Variants in CHSY3 observed in about 807,000 individuals in gnomAD.
CHSY3 encodes N-acetylgalactosaminyl-proteoglycan 3-beta-glucuronosyltransferase 3.
A neutral mutation model predicts 67.2 loss-of-function variants in CHSY3; 35 were observed. That is an observed-to-expected ratio of 0.52 (90% CI 0.40 to 0.69). CHSY3 has a LOEUF of 0.69. Among genes scored for constraint, CHSY3 ranks in the 30% least tolerant of loss-of-function variants. The pLI, the probability that CHSY3 is intolerant of heterozygous loss-of-function variation, is 0.00. For synonymous variants in CHSY3, 474 were observed against 434.7 expected, an observed-to-expected ratio of 1.09 and a Z score of -1.12; for missense variants, 1,069 against 1,138.5, an observed-to-expected ratio of 0.94 and a Z score of 0.88.
intron 2 of CHSY3, among the ~76,000 whole-genome samples, chr5:130,137,634 A>G (rs1191476988): frequency 6.6e-6 from 1 of 152,200 alleles, no homozygotes; most frequent in Non-Finnish European, 1.5e-5. Context: ...TAGGTCAACT[A>G]TTTGTTTTCC....
At chr5:130,140,606 A>G in intron 2 of CHSY3, 1 of 436,846 alleles carries the variant, frequency 2.3e-6, no homozygotes, top group Non-Finnish European at 4.0e-6. Flanking sequence ...AAACATGCTG[A>G]TCTTTGACCT....
At chr5:130,089,712 A>G (rs559863191) in intron 2 of CHSY3, among the ~76,000 whole-genome samples, 1 of 152,170 alleles carries the variant, frequency 6.6e-6, no homozygotes, top group African/African-American at 2.4e-5. Context: ...TCATATGTTT[A>G]GAAAACTGGA....
At chr5:129,919,680 C>T (rs1760854310) in intron 2 of CHSY3, among the ~76,000 whole-genome samples, 1 of 152,138 alleles carries the variant, frequency 6.6e-6, no homozygotes, top group South Asian at 2.1e-4. Flanking sequence ...CCCCCGGGTC[C>T]CTTCCACAAC....
chr5:129,911,820 G>C (rs953656699), intron 2 of CHSY3, among the ~76,000 whole-genome samples: 1 of 152,188 alleles, frequency 6.6e-6, no homozygotes, highest in African/African-American at 2.4e-5. Flanking sequence ...ACTTTGGGAG[G>C]CTGACGCGGG....
intron 2 of CHSY3, among the ~76,000 whole-genome samples, chr5:130,106,946 A>G (rs953821944): frequency 2.0e-5 from 3 of 151,474 alleles, no homozygotes; most frequent in Non-Finnish European, 4.4e-5. Context: ...TACCTTTTTG[A>G]CAATTTGTTA....
intron 2 of CHSY3, among the ~76,000 whole-genome samples, chr5:129,970,632 C>A (rs757594986): frequency 2.0e-5 from 3 of 151,748 alleles, no homozygotes; most frequent in Non-Finnish European, 4.4e-5. Context: ...GGTTGTTTTT[C>A]TGAAATGCTG....
At chr5:129,955,735 A>T (rs1337920616) in intron 2 of CHSY3, among the ~76,000 whole-genome samples, 1 of 151,906 alleles carries the variant, frequency 6.6e-6, no homozygotes, top group African/African-American at 2.4e-5. Flanking sequence ...GTTCCCCTCT[A>T]TGTGTCCATG....
rs142831163 is a variant in CHSY3 at position 130,014,516 on chromosome 5, A to G, written c.1086+106156A>G. ...CAGGCCAGATGGGGAAATGCTAGAC[A>G]CTCATAACCATCAGATCTTGTGAGA... On this transcript the variant is annotated intron_variant, in intron 2 of 2. Coordinates refer to ENST00000305031, the MANE Select transcript of CHSY3 (RefSeq NM_175856.5). Among the ~76,000 whole-genome samples the G allele has an allele frequency of 2.2e-3, 328 of 152,274 alleles. 2 individuals carry two copies. Among genetic ancestry groups the G allele is most frequent in the African/African-American group, 7.3e-3 (303 of 41,562 alleles).
chr5:130,082,885 C>T (rs941052108), intron 2 of CHSY3, among the ~76,000 whole-genome samples: 5 of 151,102 alleles, frequency 3.3e-5, no homozygotes, highest in African/African-American at 9.7e-5. Context: ...TATGTATATA[C>T]ACACACACAC....
intron 2 of CHSY3, among the ~76,000 whole-genome samples, chr5:129,990,574 G>A (rs1003848894): frequency 6.6e-6 from 1 of 152,070 alleles, no homozygotes; most frequent in Non-Finnish European, 1.5e-5. Context: ...TTTATAGAAC[G>A]TAACTACACT....
chr5:129,963,055 C>T (rs891308398), intron 2 of CHSY3, among the ~76,000 whole-genome samples: 1 of 151,590 alleles, frequency 6.6e-6, no homozygotes, highest in Non-Finnish European at 1.5e-5. Context: ...GTGGTAAAGC[C>T]GGAATAATGA....
chr5:130,138,703 T>A (rs930678389), intron 2 of CHSY3, among the ~76,000 whole-genome samples: 7 of 152,176 alleles, frequency 4.6e-5, no homozygotes, highest in Admixed American at 3.9e-4. Context: ...ACATAGAGAA[T>A]AAACCCTTAA....
chr5:129,979,514 A>G (rs923173731), intron 2 of CHSY3, among the ~76,000 whole-genome samples: 1 of 152,170 alleles, frequency 6.6e-6, no homozygotes, highest in African/African-American at 2.4e-5. Flanking sequence ...TTTCCCATGT[A>G]TCTCCGACCT....
intron 2 of CHSY3, among the ~76,000 whole-genome samples, chr5:129,922,257 C>G (rs1000980870): frequency 6.6e-6 from 1 of 152,162 alleles, no homozygotes; most frequent in Admixed American, 6.5e-5. Context: ...TAGGTTGATC[C>G]CATATCTTGG....
intron 2 of CHSY3, chr5:130,140,379 G>A: frequency 1.5e-6 from 1 of 646,082 alleles, no homozygotes; most frequent in South Asian, 1.9e-5. Flanking sequence ...CAGAGGAAGT[G>A]TTTTTTATGG....
At chr5:129,937,411 C>T (rs1761534118) in intron 2 of CHSY3, among the ~76,000 whole-genome samples, 1 of 152,172 alleles carries the variant, frequency 6.6e-6, no homozygotes, top group Non-Finnish European at 1.5e-5. Flanking sequence ...AGCCCCTCCT[C>T]CAACACTGGA....
intron 2 of CHSY3, among the ~76,000 whole-genome samples, chr5:129,985,814 C>G (rs538376364): frequency 1.3e-5 from 2 of 152,156 alleles, no homozygotes; most frequent in Non-Finnish European, 2.9e-5. Flanking sequence ...CTTGATTTGT[C>G]TCTCAGCTTG....
intron 2 of CHSY3, among the ~76,000 whole-genome samples, chr5:130,017,932 C>T (rs1434894941): frequency 6.6e-6 from 1 of 151,972 alleles, no homozygotes; most frequent in Admixed American, 6.6e-5. Context: ...GAACAAGGAC[C>T]CTACTTTTGA....
At chr5:130,001,740 A>G in intron 2 of CHSY3, 1 of 835,852 alleles carries the variant, frequency 1.2e-6, no homozygotes, top group Non-Finnish European at 1.4e-6. Context: ...CTCTATGCTC[A>G]TAAAAATTGG....
Sources: gnomAD v4.1 joint callset for allele counts (sites outside exome capture counted in the v4.1 genomes callset) on GRCh38, gnomAD v4.1.1 for gene constraint, MANE v1.5 for transcripts, NCBI Gene and HGNC (gene_info 2026-07-23, HGNC 2026-07-21) for gene names.